The following DPP6 variants were observed in gnomAD, a reference collection of about 807,000 sequenced individuals.
DPP6 encodes A-type potassium channel modulatory protein DPP6.
A neutral mutation model predicts 122.6 loss-of-function variants in DPP6; 69 were observed. The ratio of observed to expected loss-of-function variants is 0.56; its 90% CI spans 0.46 to 0.69. The LOEUF is 0.69. DPP6 is among the 30% of genes least tolerant of loss of function. DPP6 has a pLI of 0.00. For missense variants in DPP6, 928 were observed against 1,116.9 expected (o/e 0.83, Z 2.41); for synonymous variants, 418 against 433.1 (o/e 0.97, Z 0.43).
At chr7:153,819,045 T>A in the DPP6 span, among the ~76,000 whole-genome samples, 1 of 89,400 alleles carries the variant, frequency 1.1e-5, no homozygotes, top group Non-Finnish European at 2.0e-5. Context: ...CCACCGCGCC[T>A]GGCCTTTTTT....
intron 8 of DPP6, among the ~76,000 whole-genome samples, chr7:154,752,989 C>T (rs1325475669): frequency 6.6e-6 from 1 of 152,056 alleles, no homozygotes; most frequent in Non-Finnish European, 1.5e-5. Context: ...TGTCCTCCTG[C>T]TGGGGTTGTG....
intron 6 of DPP6, among the ~76,000 whole-genome samples, chr7:154,638,804 G>A (rs564692116): frequency 5.9e-5 from 9 of 152,066 alleles, no homozygotes; most frequent in East Asian, 1.9e-4. Context: ...TTATTTCTTC[G>A]TCTCCTCTTC....
chr7:154,636,855 C>T (rs1586782406), intron 5 of DPP6, among the ~76,000 whole-genome samples: 1 of 152,302 alleles, frequency 6.6e-6, no homozygotes, highest in African/African-American at 2.4e-5. Flanking sequence ...TCTGCCTTTG[C>T]CTCCACGTCC....
intron 12 of DPP6, chr7:154,796,095 GGGT>G: frequency 1.5e-6 from 1 of 682,544 alleles, no homozygotes; most frequent in Non-Finnish European, 2.3e-6. Context: ...GTTCCAGGGA[GGGT>G]CGTGTGAAAA....
At chr7:154,763,278 G>T (rs574686220) in intron 8 of DPP6, among the ~76,000 whole-genome samples, 32 of 152,072 alleles carry the variant, frequency 2.1e-4, no homozygotes, top group Non-Finnish European at 4.3e-4. Context: ...GTTGCAGTGA[G>T]CCGAGATTGT....
At chr7:154,859,108 A>G in intron 17 of DPP6, among the ~76,000 whole-genome samples, 1 of 152,206 alleles carries the variant, frequency 6.6e-6, no homozygotes, top group African/African-American at 2.4e-5. Flanking sequence ...CGTCGCTGCC[A>G]TCTGGGAAAT....
chr7:154,084,850 C>T (rs148880974), intron 1 of DPP6, among the ~76,000 whole-genome samples: 20,087 of 151,418 alleles, frequency 0.13, 1,730 homozygotes, highest in African/African-American at 0.25. Context: ...ATTAGCCGGG[C>T]ATGGTGGTGG....
intron 1 of DPP6, among the ~76,000 whole-genome samples, chr7:153,925,591 T>C (rs1800859222): frequency 1.3e-5 from 2 of 151,796 alleles, no homozygotes; most frequent in Admixed American, 1.3e-4. Flanking sequence ...TCTGCAGTTC[T>C]GATAATGGGA....
intron 5 of DPP6, among the ~76,000 whole-genome samples, chr7:154,610,237 G>A (rs1389232236): frequency 6.6e-6 from 1 of 152,140 alleles, no homozygotes; most frequent in Non-Finnish European, 1.5e-5. Context: ...CAAATGAGTG[G>A]TATTGAGATC....
At chr7:154,524,631 T>G (rs1324902134) in intron 3 of DPP6, among the ~76,000 whole-genome samples, 6 of 152,186 alleles carry the variant, frequency 3.9e-5, no homozygotes, top group Non-Finnish European at 8.8e-5. Flanking sequence ...CATGTTTGTC[T>G]CATGGCAATA....
chr7:154,006,770 G>T (rs1026663543), intron 1 of DPP6, among the ~76,000 whole-genome samples: 3 of 152,226 alleles, frequency 2.0e-5, no homozygotes, highest in Non-Finnish European at 4.4e-5. Flanking sequence ...CTATCTGCAC[G>T]CAGGAAGCCC....
At chr7:154,390,857 T>C (rs1262070487) in intron 1 of DPP6, among the ~76,000 whole-genome samples, 1 of 152,180 alleles carries the variant, frequency 6.6e-6, no homozygotes, top group Non-Finnish European at 1.5e-5. Context: ...CTGTGCCCGT[T>C]GCCATGCCAT....
chr7:154,076,208 G>C (rs1803538894), intron 1 of DPP6, among the ~76,000 whole-genome samples: 1 of 152,184 alleles, frequency 6.6e-6, no homozygotes, highest in African/African-American at 2.4e-5. Flanking sequence ...CCAGCGCTTT[G>C]GGAGGCCAAG....
chr7:154,480,480 C>T (rs1823166967), intron 3 of DPP6, among the ~76,000 whole-genome samples: 1 of 152,166 alleles, frequency 6.6e-6, no homozygotes, highest in African/African-American at 2.4e-5. Flanking sequence ...ATTGATTCCT[C>T]CTCTGCCCTG....
intron 1 of DPP6, among the ~76,000 whole-genome samples, chr7:154,246,865 G>A (rs1159802789): frequency 6.6e-6 from 1 of 152,086 alleles, no homozygotes; most frequent in African/African-American, 2.4e-5. Context: ...GCTAAAACTA[G>A]GAAGCATGTG....
chr7:154,127,168 T>C (rs913170901), intron 1 of DPP6, among the ~76,000 whole-genome samples: 15 of 152,220 alleles, frequency 9.9e-5, no homozygotes, highest in Non-Finnish European at 1.8e-4. Context: ...ATAATGAATA[T>C]GGTGTGGGCA....
chr7:154,221,105 G>C (rs572644968), intron 1 of DPP6, among the ~76,000 whole-genome samples: 2 of 152,012 alleles, frequency 1.3e-5, no homozygotes, highest in African/African-American at 4.8e-5. Flanking sequence ...CCCACTAAAG[G>C]CCTCTTAACA....
At chr7:154,829,112 G>C (rs1800418946) in intron 16 of DPP6, among the ~76,000 whole-genome samples, 1 of 152,034 alleles carries the variant, frequency 6.6e-6, no homozygotes, top group African/African-American at 2.4e-5. Context: ...GCTGAGCGCA[G>C]TGGCTCATGC....
chr7:153,860,700 T>C, the DPP6 span, among the ~76,000 whole-genome samples: 1 of 152,060 alleles, frequency 6.6e-6, no homozygotes, highest in Non-Finnish European at 1.5e-5. Context: ...CACTTCCCAG[T>C]GTGAGTGTGC....
Sources: allele counts gnomAD v4.1 joint callset (sites outside exome capture counted in the v4.1 genomes callset), GRCh38; gene constraint gnomAD v4.1.1; transcripts MANE v1.5; gene names NCBI Gene and HGNC (gene_info 2026-07-23, HGNC 2026-07-21).